Variants in FXYD6 observed in about 807,000 individuals in gnomAD.
FXYD6 encodes the protein FXYD domain containing ion transport regulator 6, also known as FXYD domain-containing ion transport regulator 6.
FXYD6 carries 7 observed loss-of-function variants against 16.7 expected under a neutral mutation model. The ratio of observed to expected loss-of-function variants is 0.42; its 90% CI spans 0.24 to 0.79. FXYD6 has a LOEUF of 0.79. FXYD6 is among the 30% of genes least tolerant of loss of function. The pLI is 0.28. For synonymous variants in FXYD6, 49 were observed against 43.0 expected (o/e 1.14, Z -0.54); for missense variants, 111 against 116.2 (o/e 0.95, Z 0.21).
At chr11:117,842,251 C>T in intron 2 of FXYD6, 1 of 618,842 alleles carries the variant, frequency 1.6e-6, no homozygotes, top group Non-Finnish European at 2.8e-6. Flanking sequence ...CTCAGTGAGG[C>T]TCTGAGTCAT....
chr11:117,856,901 C>A (rs1053987751), intron 1 of FXYD6, among the ~76,000 whole-genome samples: 2 of 152,150 alleles, frequency 1.3e-5, no homozygotes, highest in Non-Finnish European at 2.9e-5. Flanking sequence ...GCATTTCCCA[C>A]TCTTGACTGC....
intron 1 of FXYD6, among the ~76,000 whole-genome samples, chr11:117,875,418 T>TG (rs1220194434): frequency 1.3e-5 from 2 of 151,646 alleles, no homozygotes; most frequent in African/African-American, 4.9e-5. Context: ...GCAACCATAC[T>TG]GGGGGGAGGG....
intron 1 of FXYD6, among the ~76,000 whole-genome samples, chr11:117,860,176 T>G (rs2056872146): frequency 1.3e-5 from 2 of 152,110 alleles, no homozygotes; most frequent in Non-Finnish European, 1.5e-5. Flanking sequence ...TGAGTAGGTT[T>G]CCTTCGATCC....
intron 1 of FXYD6, among the ~76,000 whole-genome samples, chr11:117,850,551 T>A (rs1591564346): frequency 6.6e-6 from 1 of 152,400 alleles, no homozygotes; most frequent in East Asian, 1.9e-4. Flanking sequence ...ATTTACTTAT[T>A]GTGACTATTG....
intron 1 of FXYD6, among the ~76,000 whole-genome samples, chr11:117,855,041 C>T (rs181518397): frequency 2.0e-5 from 3 of 152,260 alleles, no homozygotes; most frequent in Admixed American, 6.5e-5. Flanking sequence ...AAATAGCTGC[C>T]ATTTCTAGTG....
At chr11:117,843,176 C>T (rs898361042) in intron 1 of FXYD6, among the ~76,000 whole-genome samples, 3 of 152,182 alleles carry the variant, frequency 2.0e-5, no homozygotes, top group African/African-American at 7.2e-5. Flanking sequence ...CTCAAGTGGT[C>T]CATCTGCCTC....
At chr11:117,847,939 C>T (rs1005539738) in intron 1 of FXYD6, among the ~76,000 whole-genome samples, 2 of 152,216 alleles carry the variant, frequency 1.3e-5, no homozygotes, top group African/African-American at 2.4e-5. Context: ...GGAATTGCCA[C>T]ACTGACTTCC....
chr11:117,851,731 C>T (rs990981099), intron 1 of FXYD6, among the ~76,000 whole-genome samples: 1 of 152,170 alleles, frequency 6.6e-6, no homozygotes, highest in African/African-American at 2.4e-5. Flanking sequence ...TCGTTAGAAA[C>T]TCTGTTTCTG....
At chr11:117,874,804 G>A (rs1460776119) in intron 1 of FXYD6, among the ~76,000 whole-genome samples, 1 of 152,254 alleles carries the variant, frequency 6.6e-6, no homozygotes, top group Non-Finnish European at 1.5e-5. Context: ...AATGGCTCTC[G>A]TTAACACCTG....
At chr11:117,845,921 G>A (rs542003933) in intron 1 of FXYD6, among the ~76,000 whole-genome samples, 30 of 152,188 alleles carry the variant, frequency 2.0e-4, no homozygotes, top group Middle Eastern at 6.8e-3. Context: ...GGTCACACTC[G>A]GCAGTTTGAA....
intron 6 of FXYD6, chr11:117,840,115 G>A: frequency 1.5e-6 from 1 of 672,882 alleles, no homozygotes; most frequent in Middle Eastern, 3.5e-4. Flanking sequence ...ACAAGCAGAT[G>A]CTCTGTAAAT....
chr11:117,869,000 A>T (rs968570179), intron 1 of FXYD6: 1 of 152,256 alleles, frequency 6.6e-6, no homozygotes, highest in Non-Finnish European at 1.5e-5. Flanking sequence ...CTGCCTTTTA[A>T]AACAAGTGCT....
intron 1 of FXYD6, among the ~76,000 whole-genome samples, chr11:117,848,435 T>C (rs2056526355): frequency 6.6e-6 from 1 of 151,976 alleles, no homozygotes; most frequent in African/African-American, 2.4e-5. Flanking sequence ...GGATTTGGCT[T>C]ACTGACATTT....
intron 7 of FXYD6, chr11:117,839,163 G>A (rs1028360309): frequency 6.5e-6 from 1 of 152,890 alleles, no homozygotes; most frequent in Non-Finnish European, 1.5e-5. Context: ...CTATAAAATG[G>A]GCTAAACCCC....
chr11:117,843,542 A>G (rs1209845506), intron 1 of FXYD6: 1 of 152,224 alleles, frequency 6.6e-6, no homozygotes, highest in Non-Finnish European at 1.5e-5. Flanking sequence ...ATATCAGACT[A>G]AATGGGGCCA....
intron 1 of FXYD6, among the ~76,000 whole-genome samples, chr11:117,873,036 C>CA: frequency 6.6e-6 from 1 of 152,274 alleles, no homozygotes; most frequent in South Asian, 2.1e-4. Context: ...AAGAACCCCC[C>CA]CCAACCGCCG....
At chr11:117,863,614 G>A (rs1056651823) in intron 1 of FXYD6, among the ~76,000 whole-genome samples, 2 of 152,098 alleles carry the variant, frequency 1.3e-5, no homozygotes, top group East Asian at 1.9e-4. Flanking sequence ...CCTAGCCAGA[G>A]CAACTATGCA....
chr11:117,860,817 G>A (rs2056888426), intron 1 of FXYD6, among the ~76,000 whole-genome samples: 1 of 152,178 alleles, frequency 6.6e-6, no homozygotes, highest in African/African-American at 2.4e-5. Flanking sequence ...GTTCTAAATA[G>A]TTATATAACT....
chr11:117,844,819 G>A (rs1038540576), intron 1 of FXYD6, among the ~76,000 whole-genome samples: 1 of 152,078 alleles, frequency 6.6e-6, no homozygotes, highest in Non-Finnish European at 1.5e-5. Context: ...TCATTCCCTT[G>A]CTCTTCTTCT....
Sources: allele counts gnomAD v4.1 joint callset (sites outside exome capture counted in the v4.1 genomes callset), GRCh38; gene constraint gnomAD v4.1.1; transcripts MANE v1.5; gene names NCBI Gene and HGNC (gene_info 2026-07-23, HGNC 2026-07-21).